EMC1: variants seen among roughly 807,000 people sequenced by gnomAD.
The protein encoded by EMC1 is ER membrane protein complex subunit 1.
In EMC1, 103 loss-of-function variants were observed where a neutral mutation model predicts 128.8. That is an observed-to-expected ratio of 0.80 (90% confidence interval 0.68 to 0.94). The LOEUF is 0.94. EMC1 is among the 40% of genes least tolerant of loss of function. The pLI is 0.00. For missense variants in EMC1, 1,083 were observed against 1,250.6 expected, an observed-to-expected ratio of 0.87 and a Z score of 2.02; for synonymous variants, 442 against 490.4, an observed-to-expected ratio of 0.90 and a Z score of 1.30.
intron 17 of EMC1, among the ~76,000 whole-genome samples, chr1:19,228,045 A>C (rs1407657452): frequency 6.6e-6 from 1 of 152,026 alleles, no homozygotes; most frequent in East Asian, 1.9e-4. Context: ...ATCTCTACTA[A>C]AAATGCAAAA....
intron 17 of EMC1, among the ~76,000 whole-genome samples, chr1:19,228,485 TG>T (rs930161169): frequency 1.1e-4 from 17 of 152,020 alleles, no homozygotes; most frequent in African/African-American, 3.4e-4. Flanking sequence ...GCGGAGCCCT[TG>T]GGGGTGGAGA....
intron 17 of EMC1, among the ~76,000 whole-genome samples, chr1:19,227,657 A>C (rs2093486311): frequency 6.6e-6 from 1 of 151,782 alleles, no homozygotes; most frequent in Admixed American, 6.6e-5. Context: ...ACTTGAGGTC[A>C]GGAGTTCAAG....
chr1:19,232,754 C>G lies in EMC1; in HGVS notation c.1652G>C (p.Ser551Thr). 1 of 1,614,142 alleles carries G rather than the reference C, an allele frequency of 6.2e-7. No homozygotes were observed. Among genetic ancestry groups the G allele is most frequent in the Non-Finnish European group, 8.5e-7 (1 of 1,179,992 alleles). Residue 551 changes from serine (S) to threonine (T), a missense_variant, in exon 15 of 23, where the codon AGC (serine) becomes ACC (threonine). Around this residue, in one of 3 missense-constraint regions of EMC1, gnomAD observed 527 missense variants for 644.1 expected, o/e 0.82. Coordinates refer to ENST00000477853, the MANE Select transcript of EMC1 (RefSeq NM_015047.3). Reference sequence around the variant, plus strand: ...CTGTTTCCACAGGATGGTGCCAGAGCTGCTCTCAATGCCAAAAAGCTGCAA... The same window carrying G: ...CTGTTTCCACAGGATGGTGCCAGAGGTGCTCTCAATGCCAAAAAGCTGCAA... ...ASGKLFGIES[S>T]SGTILWKQYL...
At chr1:19,250,954 G>C (rs12760025) in intron 1 of EMC1, among the ~76,000 whole-genome samples, 2 of 152,202 alleles carry the variant, frequency 1.3e-5, no homozygotes, top group Non-Finnish European at 2.9e-5. Context: ...GGCCAGACTA[G>C]GTTGATGAGA....
In EMC1 at chr1:19,217,762, G is replaced by A. The variant is rs1003182304; in HGVS notation, c.*1541C>T. 1 of 152,080 alleles carries A rather than the reference G, an allele frequency of 6.6e-6. No individual in the cohort carries two copies. The highest frequency in any genetic ancestry group is 1.5e-5 in the Non-Finnish European group (1 of 68,022). 9.4% of individuals were successfully genotyped at this position (152,080 alleles called of 1,614,324 possible). ...ACTTGTACTTAACTCTCTTCTCCCA[G>A]GTTATGTTAAAATATGCCTTGGGTC... On this transcript the variant is annotated 3_prime_UTR_variant, in exon 23 of 23. Transcript: ENST00000477853.
At chr1:19,225,586 G>A (rs761169752) in intron 18 of EMC1, among the ~76,000 whole-genome samples, 1 of 152,124 alleles carries the variant, frequency 6.6e-6, no homozygotes, top group African/African-American at 2.4e-5. Context: ...CGTGGAGGTT[G>A]CAGTGAGCCA....
In EMC1 at chr1:19,219,222, C is replaced by T; in HGVS notation, c.*81G>A. On this transcript the variant is annotated 3_prime_UTR_variant, in exon 23 of 23. Coordinates refer to ENST00000477853, the MANE Select transcript of EMC1 (RefSeq NM_015047.3). ...GCACTGACACACACACATACTCCAC[C>T]AATCCACCAAACTGCAGCTGTAGCT... The T allele has an allele frequency of 1.4e-6, 2 of 1,414,678 alleles. No homozygotes were observed. Among genetic ancestry groups the T allele is most frequent in the Non-Finnish European group, 2.0e-6 (2 of 1,010,286 alleles). 87.6% of individuals were successfully genotyped at this position (1,414,678 alleles called of 1,614,324 possible). A position where few individuals can be genotyped will look rare whatever the true frequency, so the allele number is the denominator to read the frequency against.
intron 13 of EMC1, among the ~76,000 whole-genome samples, chr1:19,234,635 C>G (rs1295013461): frequency 6.6e-6 from 1 of 152,156 alleles, no homozygotes; most frequent in Admixed American, 6.5e-5. Flanking sequence ...ATCATGAGGT[C>G]AGGAGTTTGA....
Position 19,243,653 on chromosome 1 carries a change from A to G in EMC1, c.341T>C (p.Ile114Thr), listed in dbSNP as rs1027071040. 1.9e-6 allele frequency: 3 copies of G among 1,614,130 alleles called. No individual in the cohort carries two copies. In the Admixed American group the frequency reaches 5.0e-5, roughly 27 times the overall value. Reference protein sequence around the residue: ...GRIMRSWETNIGGLNWEITLD... With the variant: ...GRIMRSWETNTGGLNWEITLD... Reference sequence around the variant, plus strand: ...GGTTATCTCCCAGTTCAGGCCCCCGATGTTAGTCTCCCAGGAACGCATGAT... The same window carrying G: ...GGTTATCTCCCAGTTCAGGCCCCCGGTGTTAGTCTCCCAGGAACGCATGAT... Residue 114 changes from isoleucine (I) to threonine (T), a missense_variant, in exon 4 of 23, where the codon ATC (isoleucine) becomes ACC (threonine). Coordinates refer to ENST00000477853, the MANE Select transcript of EMC1 (RefSeq NM_015047.3).
At chr1:19,223,777 T>C (rs192659772) in intron 18 of EMC1, among the ~76,000 whole-genome samples, 37 of 152,322 alleles carry the variant, frequency 2.4e-4, no homozygotes, top group African/African-American at 8.9e-4. Flanking sequence ...TTGTATTTTA[T>C]CTAATCCCTT....
intron 1 of EMC1, among the ~76,000 whole-genome samples, chr1:19,245,873 C>T (rs917640963): frequency 8.6e-5 from 13 of 151,724 alleles, no homozygotes; most frequent in African/African-American, 2.9e-4. Flanking sequence ...CTGACCCACC[C>T]GCCTCGGCCT....
intron 13 of EMC1, among the ~76,000 whole-genome samples, chr1:19,234,676 T>C (rs79332489): frequency 0.015 from 2,276 of 152,158 alleles, 52 homozygotes; most frequent in African/African-American, 0.052. Flanking sequence ...TGAAACCCTG[T>C]TGCTACTAAA....
chr1:19,238,763 G>A (rs747769087), intron 10 of EMC1, 32 bp downstream of exon 10: 12 of 1,517,804 alleles, frequency 7.9e-6, no homozygotes, highest in Middle Eastern at 1.7e-4. Flanking sequence ...TGCGTCTCTA[G>A]GTCTGGCATA....
At chr1:19,222,189 A>G (rs929123364) in intron 20 of EMC1, among the ~76,000 whole-genome samples, 18 of 148,220 alleles carry the variant, frequency 1.2e-4, no homozygotes, top group African/African-American at 4.2e-4. Flanking sequence ...GCCAGGCACG[A>G]TGGCTCACAC....
chr1:19,250,012 GT>G (rs2093649952), intron 1 of EMC1, among the ~76,000 whole-genome samples: 1 of 152,042 alleles, frequency 6.6e-6, no homozygotes, highest in South Asian at 2.1e-4. Context: ...GAGATCGGGA[GT>G]TTGAGACCAG....
At chr1:19,237,259 CG>C in intron 11 of EMC1, 21 bp from the exon 12 acceptor site, 2 of 1,582,362 alleles carry the variant, frequency 1.3e-6, no homozygotes, top group East Asian at 2.2e-5. Context: ...CAGTCAAGAC[CG>C]GTGTAGTCAG....
intron 11 of EMC1, among the ~76,000 whole-genome samples, 187 bp from the exon 12 acceptor site, chr1:19,237,425 T>C (rs771058416): frequency 1.3e-5 from 2 of 152,208 alleles, no homozygotes; most frequent in Non-Finnish European, 2.9e-5. Context: ...AACATAATGA[T>C]GCTGGGGTCT....
chr1:19,243,526 G>C, intron 4 of EMC1, 88 bp downstream of exon 4: 1 of 1,237,084 alleles, frequency 8.1e-7, no homozygotes, highest in Non-Finnish European at 1.2e-6. Context: ...CTGGGAAAAA[G>C]CCAAAAGCCC....
At chr1:19,227,484 G>A (rs1443411822) in intron 17 of EMC1, 34 bp from the exon 18 acceptor site, 2 of 1,613,602 alleles carry the variant, frequency 1.2e-6, no homozygotes, top group African/African-American at 2.7e-5. Context: ...GTAATCAGGA[G>A]GGTACACTTA....
Sources: gnomAD v4.1 joint callset for allele counts (sites outside exome capture counted in the v4.1 genomes callset) on GRCh38, gnomAD v4.1.1 for gene constraint, gnomAD v4.1.1 regional missense constraint, MANE v1.5 for transcripts, NCBI Gene and HGNC (gene_info 2026-07-23, HGNC 2026-07-21) for gene names.